The following CDC45 variants were observed in gnomAD, a reference collection of about 807,000 sequenced individuals.
The protein encoded by CDC45 is cell division control protein 45 homolog.
Under a neutral mutation model 77.8 loss-of-function variants are expected in CDC45, and 54 were observed. The ratio of observed to expected loss-of-function variants is 0.69; its 90% CI spans 0.56 to 0.87. CDC45 has a LOEUF of 0.87. Ranked by LOEUF, CDC45 falls within the 40% of genes least tolerant of loss-of-function variation. CDC45 has a pLI of 0.00. For missense variants in CDC45, 649 were observed against 721.6 expected, an observed-to-expected ratio of 0.90 and a Z score of 1.15; for synonymous variants, 260 against 272.1, an observed-to-expected ratio of 0.96 and a Z score of 0.44.
chr22:19,502,542 A>G (rs903038615), intron 9 of CDC45, among the ~76,000 whole-genome samples: 3 of 152,236 alleles, frequency 2.0e-5, no homozygotes, highest in African/African-American at 7.2e-5. Flanking sequence ...TTTACTGCAG[A>G]ACTCTAGCCA....
rs1324738145 is a variant in CDC45, at chr22:19,508,697, A to T, written c.1217+6A>T. 6 of 1,613,288 alleles carry T rather than the reference A, an allele frequency of 3.7e-6. No homozygotes were observed. In the Admixed American group the frequency reaches 5.0e-5, roughly 13 times the overall value. On this transcript the variant is annotated splice_donor_region_variant and intron_variant, in intron 13 of 18. Coordinates refer to ENST00000263201, the MANE Select transcript of CDC45 (RefSeq NM_003504.5). ...GCTCTGGACAGCCTCTCCAGGTAGCAGGAGGGCTGTGGGTTTGCCTCATGG... is the reference window on the plus strand; with the variant it reads ...GCTCTGGACAGCCTCTCCAGGTAGCTGGAGGGCTGTGGGTTTGCCTCATGG...
At chr22:19,480,634 G>A (rs2089964683) in intron 2 of CDC45, among the ~76,000 whole-genome samples, 2 of 152,102 alleles carry the variant, frequency 1.3e-5, no homozygotes, top group African/African-American at 4.8e-5. Context: ...TATTAGGGAA[G>A]ATCGTTAGTT....
At chr22:19,499,835 C>G (rs891884422) in intron 9 of CDC45, among the ~76,000 whole-genome samples, 5 of 152,190 alleles carry the variant, frequency 3.3e-5, no homozygotes, top group Non-Finnish European at 5.9e-5. Context: ...TGCTGGTCCT[C>G]TCCTAGGGGA....
intron 12 of CDC45, among the ~76,000 whole-genome samples, chr22:19,508,166 A>G (rs1450804406): frequency 6.6e-6 from 1 of 152,060 alleles, no homozygotes; most frequent in East Asian, 1.9e-4. Context: ...AGTCTGTTTC[A>G]CTGGAGACAG....
At position 19,515,567 on chromosome 22, in the gene CDC45, T is replaced by C. The variant is rs138605059; in HGVS notation, c.1440+519T>C. The stretch of plus-strand genomic sequence containing the variant: ...TTGAAGTCCTCCTCTGCTTCGAGGA[T>C]GAGAGTTTATGCCGGGGGCTATTTC... On this transcript the variant is annotated intron_variant, in intron 15 of 18. Coordinates refer to ENST00000263201, the MANE Select transcript of CDC45 (RefSeq NM_003504.5). 7.2e-3 allele frequency among the ~76,000 whole-genome samples: 1,098 copies of C among 152,284 alleles called. 9 individuals carry two copies. Among genetic ancestry groups the C allele is most frequent in the Middle Eastern group, 0.014 (4 of 294 alleles).
At chr22:19,480,570 A>G (rs1249016761) in intron 2 of CDC45, among the ~76,000 whole-genome samples, 1 of 152,118 alleles carries the variant, frequency 6.6e-6, no homozygotes, top group Non-Finnish European at 1.5e-5. Context: ...ATCTGTGACA[A>G]CTGTGGGTAT....
At chr22:19,484,110 G>C in intron 5 of CDC45, 105 bp downstream of exon 5, 1 of 1,129,570 alleles carries the variant, frequency 8.9e-7, no homozygotes, top group Non-Finnish European at 1.3e-6. Flanking sequence ...GCAGTGGGAA[G>C]TGGAAAAGTT....
At chr22:19,519,065 A>G (rs1012928671) in intron 18 of CDC45, among the ~76,000 whole-genome samples, 156 bp downstream of exon 18, 3 of 152,096 alleles carry the variant, frequency 2.0e-5, no homozygotes, top group South Asian at 2.1e-4. Flanking sequence ...TCCCAAGCAC[A>G]TCTGTCCTTA....
chr22:19,484,048 T>C (rs1229657809), intron 5 of CDC45, 43 bp downstream of exon 5: 2 of 1,555,794 alleles, frequency 1.3e-6, no homozygotes, highest in Admixed American at 4.3e-5. Context: ...GAACTTGCAC[T>C]CCCAGAGGTC....
At chr22:19,484,341 G>A (rs1231618293) in intron 5 of CDC45, among the ~76,000 whole-genome samples, 1 of 152,200 alleles carries the variant, frequency 6.6e-6, no homozygotes, top group Non-Finnish European at 1.5e-5. Flanking sequence ...CTGTCTTCTA[G>A]CATCACTTAC....
intron 4 of CDC45, among the ~76,000 whole-genome samples, chr22:19,483,632 A>G (rs1185757148): frequency 6.6e-6 from 1 of 152,216 alleles, no homozygotes; most frequent in African/African-American, 2.4e-5. Flanking sequence ...AACTGTTTTC[A>G]GATTTTCATA....
intron 9 of CDC45, 94 bp downstream of exon 9, chr22:19,499,245 T>C (rs1250820763): frequency 1.9e-5 from 24 of 1,281,926 alleles, no homozygotes; most frequent in Non-Finnish European, 2.6e-5. Flanking sequence ...GCAGGGTCCC[T>C]GTAGGGTCCT....
chr22:19,503,746 TAGGGAGGGTCGACAAGACCTC>T (rs1963537506), intron 9 of CDC45, among the ~76,000 whole-genome samples: 1 of 152,048 alleles, frequency 6.6e-6, no homozygotes, highest in African/African-American at 2.4e-5. Flanking sequence ...TTCCTATTAT[TAGGGAGGGTCGACAAGACCTC>T]AGAAGAGGCC....
intron 2 of CDC45, among the ~76,000 whole-genome samples, chr22:19,480,687 C>G (rs2089965655): frequency 6.6e-6 from 1 of 152,066 alleles, no homozygotes; most frequent in Non-Finnish European, 1.5e-5. Flanking sequence ...TTTGGTCAGG[C>G]CCTTGGATCA....
intron 2 of CDC45, among the ~76,000 whole-genome samples, chr22:19,480,538 A>G (rs2089962664): frequency 6.6e-6 from 1 of 152,134 alleles, no homozygotes; most frequent in Admixed American, 6.5e-5. Context: ...GGCCTCTCAA[A>G]TGGGGGATTT....
At chr22:19,493,435 TTTTTG>T (rs71786360) in intron 5 of CDC45, among the ~76,000 whole-genome samples, 1,565 of 137,062 alleles carry the variant, frequency 0.011, 32 homozygotes, top group African/African-American at 0.036. Context: ...TGTTTTTTTT[TTTTTG>T]TTGTTGTTGT....
chr22:19,514,620 G>T (rs1010687476), intron 13 of CDC45, 129 bp from the exon 14 acceptor site: 49 of 715,500 alleles, frequency 6.8e-5, no homozygotes, highest in Middle Eastern at 3.2e-4. Flanking sequence ...ACTCAGGAGG[G>T]AAAGAAGATA....
intron 5 of CDC45, among the ~76,000 whole-genome samples, chr22:19,491,271 G>A (rs1035626742): frequency 6.6e-6 from 1 of 152,116 alleles, no homozygotes; most frequent in Non-Finnish European, 1.5e-5. Context: ...AAAGCCTATT[G>A]TATTTACCTC....
intron 10 of CDC45, among the ~76,000 whole-genome samples, chr22:19,506,731 G>A (rs933229527): frequency 6.6e-5 from 10 of 152,284 alleles, no homozygotes; most frequent in East Asian, 5.8e-4. Context: ...TCAGGAGATC[G>A]AGACCATCCT....
Sources: gnomAD v4.1 joint callset for allele counts (sites outside exome capture counted in the v4.1 genomes callset) on GRCh38, gnomAD v4.1.1 for gene constraint, MANE v1.5 for transcripts, NCBI Gene and HGNC (gene_info 2026-07-23, HGNC 2026-07-21) for gene names.